The following CCDC181 variants were observed in gnomAD, a reference collection of about 807,000 sequenced individuals.
The protein encoded by CCDC181 is coiled-coil domain-containing protein 181.
Under a neutral mutation model 58.7 loss-of-function variants are expected in CCDC181, and 35 were observed. That is an observed-to-expected ratio of 0.60 (90% confidence interval 0.46 to 0.79). The LOEUF is 0.79. CCDC181 is among the 30% of genes least tolerant of loss of function. The pLI, the probability that CCDC181 is intolerant of heterozygous loss-of-function variation, is 0.00. For synonymous variants in CCDC181, 183 were observed against 197.5 expected, an observed-to-expected ratio of 0.93 and a Z score of 0.62; for missense variants, 517 against 583.9, an observed-to-expected ratio of 0.89 and a Z score of 1.18.
chr1:169,426,451 C>G (rs1656713039), intron 1 of CCDC181, among the ~76,000 whole-genome samples: 1 of 152,174 alleles, frequency 6.6e-6, no homozygotes, highest in South Asian at 2.1e-4. Flanking sequence ...CAGCTCTACC[C>G]TCTTAATACG....
upstream of CCDC181, among the ~76,000 whole-genome samples, chr1:169,430,676 A>G (rs1221658773): frequency 6.6e-6 from 1 of 151,962 alleles, no homozygotes; most frequent in Non-Finnish European, 1.5e-5. Context: ...TGGAAAAAAA[A>G]AAACACACAA....
At chr1:169,428,731 C>T (rs12161243), upstream of CCDC181, among the ~76,000 whole-genome samples, 4 of 152,134 alleles carry the variant, frequency 2.6e-5, no homozygotes, top group African/African-American at 9.7e-5. Context: ...TCTGGGCTCA[C>T]TTCAACCTCC....
At chr1:169,413,259 T>C (rs1253434010) in intron 4 of CCDC181, among the ~76,000 whole-genome samples, 1 of 151,878 alleles carries the variant, frequency 6.6e-6, no homozygotes, top group African/African-American at 2.4e-5. Flanking sequence ...CCAATAGACA[T>C]ATGAAAGAAA....
At chr1:169,449,906 C>T (rs927890376) in intron 2 of CCDC181, among the ~76,000 whole-genome samples, 2 of 152,176 alleles carry the variant, frequency 1.3e-5, no homozygotes, top group Non-Finnish European at 2.9e-5. Flanking sequence ...TTGCATCCTT[C>T]AGTCCAATCA....
chr1:169,426,137 A>T (rs1656700268), intron 1 of CCDC181, among the ~76,000 whole-genome samples: 1 of 152,172 alleles, frequency 6.6e-6, no homozygotes, highest in South Asian at 2.1e-4. Flanking sequence ...CTTTTGTTGT[A>T]ACTTAAAAAC....
intron 4 of CCDC181, among the ~76,000 whole-genome samples, chr1:169,404,915 G>A (rs901181157): frequency 5.9e-5 from 9 of 152,132 alleles, no homozygotes; most frequent in Non-Finnish European, 8.8e-5. Context: ...AAACCCCATC[G>A]TCTCAGCCCA....
chr1:169,415,521 T>G (rs1319706987), intron 4 of CCDC181, among the ~76,000 whole-genome samples: 1 of 152,194 alleles, frequency 6.6e-6, no homozygotes, highest in Non-Finnish European at 1.5e-5. Flanking sequence ...AAGCCACATC[T>G]TCTCTGAAAC....
chr1:169,415,200 G>A (rs1656159703), intron 4 of CCDC181, among the ~76,000 whole-genome samples: 1 of 152,070 alleles, frequency 6.6e-6, no homozygotes, highest in Admixed American at 6.5e-5. Flanking sequence ...TATAATACTT[G>A]GAATGCCATG....
At chr1:169,429,874 T>G (rs540412730), upstream of CCDC181, among the ~76,000 whole-genome samples, 120 of 152,360 alleles carry the variant, frequency 7.9e-4, 1 homozygote, top group African/African-American at 2.7e-3. Flanking sequence ...CATGAAGTCT[T>G]TGCCAACGCC....
At chr1:169,409,190 C>T (rs542707002) in intron 4 of CCDC181, among the ~76,000 whole-genome samples, 1 of 152,280 alleles carries the variant, frequency 6.6e-6, no homozygotes, top group Non-Finnish European at 1.5e-5. Context: ...CAGAGAAGAA[C>T]ATAAATGACC....
intron 2 of CCDC181, among the ~76,000 whole-genome samples, chr1:169,444,860 T>A (rs1657328931): frequency 6.6e-6 from 1 of 152,192 alleles, no homozygotes; most frequent in African/African-American, 2.4e-5. Context: ...CTCCCAAGAT[T>A]ACGGATTGCC....
chr1:169,419,228 GAT>G, intron 3 of CCDC181, 69 bp from the exon 4 acceptor site: 1 of 1,417,964 alleles, frequency 7.1e-7, no homozygotes, highest in South Asian at 1.4e-5. Flanking sequence ...AGAGTAGAGA[GAT>G]ATATTTTGAG....
chr1:169,453,131 G>T (rs1657589424), intron 2 of CCDC181, among the ~76,000 whole-genome samples: 1 of 151,480 alleles, frequency 6.6e-6, no homozygotes, highest in Non-Finnish European at 1.5e-5. Flanking sequence ...AGCAAAATAT[G>T]CACTCTTTTA....
intron 2 of CCDC181, among the ~76,000 whole-genome samples, chr1:169,422,956 A>G (rs1034236912): frequency 2.6e-5 from 4 of 151,008 alleles, no homozygotes; most frequent in African/African-American, 7.3e-5. Flanking sequence ...CACATGAACC[A>G]TAAACCAGTA....
chr1:169,401,295 G>C (rs944767067), intron 4 of CCDC181, among the ~76,000 whole-genome samples: 1 of 152,206 alleles, frequency 6.6e-6, no homozygotes, highest in Non-Finnish European at 1.5e-5. Flanking sequence ...GCTTTGAAGA[G>C]AGTAGTGCTT....
In CCDC181 at chr1:169,422,080, C is replaced by G; in HGVS notation, c.351G>C (p.Glu117Asp). The change falls in exon 3 of 6, where the codon GAG becomes GAC. Residue 117 changes from glutamate to aspartate, a missense_variant. Coordinates refer to ENST00000367806, the MANE Select transcript of CCDC181 (RefSeq NM_001300969.2). Reference sequence around the variant, plus strand: ...ATCTCCTTACTTCCTCATCCTCTTCCTCCTCCAAGTCTTTCTGGCTTTCTA... The same window carrying G: ...ATCTCCTTACTTCCTCATCCTCTTCGTCCTCCAAGTCTTTCTGGCTTTCTA... Reference protein sequence around the residue: ...SKLESQKDLEEEEDEEVRRYI... With the variant: ...SKLESQKDLEDEEDEEVRRYI... 1.9e-6 allele frequency: 3 copies of G among 1,613,680 alleles called. No homozygotes were observed. Among genetic ancestry groups the G allele is most frequent in the Non-Finnish European group, 2.5e-6 (3 of 1,179,796 alleles).
At chr1:169,448,547 G>C (rs532574200) in intron 2 of CCDC181, among the ~76,000 whole-genome samples, 1 of 151,960 alleles carries the variant, frequency 6.6e-6, no homozygotes, top group Non-Finnish European at 1.5e-5. Flanking sequence ...CAAGAAATCT[G>C]CTGCAATTCT....
intron 4 of CCDC181, among the ~76,000 whole-genome samples, chr1:169,405,217 A>G (rs1343638839): frequency 6.6e-6 from 1 of 152,246 alleles, no homozygotes; most frequent in Non-Finnish European, 1.5e-5. Flanking sequence ...AATATCGTGA[A>G]AATGGCCATA....
intron 2 of CCDC181, among the ~76,000 whole-genome samples, chr1:169,439,168 T>C (rs551659816): frequency 1.4e-4 from 21 of 151,868 alleles, no homozygotes; most frequent in East Asian, 5.8e-4. Context: ...ACACCCTGCA[T>C]TGGGGCTATG....
Sources: gnomAD v4.1 joint callset for allele counts (sites outside exome capture counted in the v4.1 genomes callset) on GRCh38, gnomAD v4.1.1 for gene constraint, MANE v1.5 for transcripts, NCBI Gene and HGNC (gene_info 2026-07-23, HGNC 2026-07-21) for gene names.